Variants in APH1B observed in about 807,000 individuals in gnomAD.
The protein encoded by APH1B is aph-1B gamma-secretase subunit.
A neutral mutation model predicts 28.2 loss-of-function variants in APH1B; 27 were observed. The observed-to-expected ratio is 0.96, with a 90% CI of 0.70 to 1.32. The LOEUF is 1.32. APH1B is among the 40% of genes most tolerant of loss of function. The pLI is 0.00. For missense variants in APH1B, 305 were observed against 313.6 expected (o/e 0.97, Z 0.21); for synonymous variants, 141 against 124.6 (o/e 1.13, Z -0.88).
rs1290131237 is a variant in APH1B at position 63,305,940 on chromosome 15, G to A, written c.*159G>A. The A allele has an allele frequency of 5.2e-6, 5 of 957,048 alleles. No individual in the cohort carries two copies. The highest frequency in any genetic ancestry group is 2.8e-5 in the East Asian group (1 of 36,336). The allele number at this position is 957,048 out of a possible 1,614,324, so 59.3% of individuals were successfully genotyped here. Reference sequence around the variant, plus strand: ...CTTGGCTTTCACACAACTGCTCTCCGAAAGGGGTGCTCAGTGGTGTGCGTC... The same window carrying A: ...CTTGGCTTTCACACAACTGCTCTCCAAAAGGGGTGCTCAGTGGTGTGCGTC... On this transcript the variant is annotated 3_prime_UTR_variant, in exon 6 of 6. Transcript: ENST00000261879.
In APH1B at chr15:63,304,328, A is replaced by G. The variant is rs1430345639; in HGVS notation, c.607-1286A>G. On this transcript the variant is annotated intron_variant, in intron 5 of 5. Coordinates refer to ENST00000261879, the MANE Select transcript of APH1B (RefSeq NM_031301.4). This position sits in a 1 kb window ranked among gnomAD's most constrained non-coding sequence, Gnocchi z 5.1. The stretch of plus-strand genomic sequence containing the variant: ...ATGTTTTGATTTTCATCTAGGTGCT[A>G]GTTACACAGGTGTGTTCATGCTGGG... Among the ~76,000 whole-genome samples, 1 of 152,168 alleles carries G rather than the reference A, an allele frequency of 6.6e-6. No homozygotes were observed. Among genetic ancestry groups the G allele is most frequent in the African/African-American group, 2.4e-5 (1 of 41,432 alleles).
rs1441524561 is a variant in APH1B at position 63,287,549 on chromosome 15, A to G, written c.478+3A>G. The G allele has an allele frequency of 1.2e-6, 2 of 1,613,736 alleles. No homozygotes were observed. The highest frequency in any genetic ancestry group is 1.1e-5 in the South Asian group (1 of 91,044). The stretch of plus-strand genomic sequence containing the variant: ...TCCTCAATTCTTCCTTTATTCAGGT[A>G]TGTGTCTCATAGCTGTCAACATTCA... On this transcript the variant is annotated splice_donor_region_variant and intron_variant, in intron 4 of 5. Transcript: ENST00000261879.
chr15:63,284,702 T>C (rs1471323905), intron 2 of APH1B, among the ~76,000 whole-genome samples: 1 of 152,218 alleles, frequency 6.6e-6, no homozygotes, highest in Non-Finnish European at 1.5e-5. Flanking sequence ...AATGTTGCTA[T>C]GCAACAGATA....
intron 4 of APH1B, among the ~76,000 whole-genome samples, chr15:63,298,703 T>A (rs571451489): frequency 6.6e-6 from 1 of 152,192 alleles, no homozygotes; most frequent in African/African-American, 2.4e-5. Flanking sequence ...AAGCACTGTT[T>A]TTCCTTGTAA....
chr15:63,279,809 T>A (rs2038366352), intron 2 of APH1B, among the ~76,000 whole-genome samples: 1 of 151,896 alleles, frequency 6.6e-6, no homozygotes, highest in African/African-American at 2.4e-5. Context: ...TTTTTTTTTT[T>A]TTTTGAGACA....
At position 63,302,256 on chromosome 15, in the gene APH1B, T is replaced by A. The variant is rs142260418; in HGVS notation, c.479-89T>A. 12,237 of 1,485,098 alleles carry A rather than the reference T, an allele frequency of 8.2e-3. 77 individuals carry two copies. Among genetic ancestry groups the A allele is most frequent in the Admixed American group, 9.8e-3 (463 of 47,306 alleles). 92.0% of individuals were successfully genotyped at this position (1,485,098 alleles called of 1,614,324 possible). Reference sequence around the variant, plus strand: ...GTTAAACTCTCTTGCTGAGGTGTGGTGGACACCCCGAGAGCCCGTGCACAG... The same window carrying A: ...GTTAAACTCTCTTGCTGAGGTGTGGAGGACACCCCGAGAGCCCGTGCACAG... On this transcript the variant is annotated intron_variant, in intron 4 of 5. Coordinates refer to ENST00000261879, the MANE Select transcript of APH1B (RefSeq NM_031301.4).
intron 3 of APH1B, 181 bp from the exon 4 acceptor site, chr15:63,287,243 G>C: frequency 1.5e-6 from 1 of 666,480 alleles, no homozygotes; most frequent in Non-Finnish European, 2.4e-6. Flanking sequence ...TCCTCTTCCC[G>C]CTTCCCTCTC....
At position 63,306,357 on chromosome 15, in the gene APH1B, C is replaced by G. The variant is rs1037099822; in HGVS notation, c.*576C>G. 2 of 152,356 alleles carry G rather than the reference C, an allele frequency of 1.3e-5. No homozygotes were observed. Among genetic ancestry groups the G allele is most frequent in the Admixed American group, 6.5e-5 (1 of 15,274 alleles). 9.4% of individuals were successfully genotyped at this position (152,356 alleles called of 1,614,324 possible). A position where few individuals can be genotyped will look rare whatever the true frequency, so the allele number is the denominator to read the frequency against. ...GGCTTCTAAATGCAATAATAAATTA[C>G]GCTGACTGTGGTAACTTAGCCAAAG... On this transcript the variant is annotated 3_prime_UTR_variant, in exon 6 of 6. Transcript: ENST00000261879.
chr15:63,293,732 G>A lies in APH1B; in HGVS notation c.478+6186G>A, dbSNP rs548392289. 6.6e-5 allele frequency among the ~76,000 whole-genome samples: 10 copies of A among 152,150 alleles called. No individual in the cohort carries two copies. The South Asian group carries it at 8.3e-4, about 13-fold the overall frequency. ...AGGTTTTTCTCGAACTCCTGACCTCGTCATCTGCCCGCTTTGGCCTTCCAA... is the reference window on the plus strand; with the variant it reads ...AGGTTTTTCTCGAACTCCTGACCTCATCATCTGCCCGCTTTGGCCTTCCAA... On this transcript the variant is annotated intron_variant, in intron 4 of 5. Transcript: ENST00000261879.
intron 2 of APH1B, among the ~76,000 whole-genome samples, chr15:63,281,893 G>A (rs1199640925): frequency 3.9e-5 from 6 of 152,066 alleles, no homozygotes; most frequent in African/African-American, 1.4e-4. Flanking sequence ...CTGTAGGCTC[G>A]AATGCCAGGA....
At position 63,279,287 on chromosome 15, in the gene APH1B, C is replaced by G. The variant is rs777280253; in HGVS notation, c.240C>G (p.Val80=). The change falls in exon 2 of 6, where the codon GTC becomes GTG. Residue 80 remains valine, a synonymous_variant. Coordinates refer to ENST00000261879, the MANE Select transcript of APH1B (RefSeq NM_031301.4). Reference sequence around the variant, plus strand: ...TGATCTTTGGAGCGTTTGTCTCTGTCTATATCCAAGAAATGTTCCGATTTG... The same window carrying G: ...TGATCTTTGGAGCGTTTGTCTCTGTGTATATCCAAGAAATGTTCCGATTTG... ...YLLIFGAFVS[V]YIQEMFRFAY... 7 of 1,610,856 alleles carry G rather than the reference C, an allele frequency of 4.3e-6. No homozygotes were observed. The East Asian group carries it at 8.9e-5, about 21-fold the overall frequency.
intron 2 of APH1B, among the ~76,000 whole-genome samples, chr15:63,284,433 C>T (rs917133235): frequency 4.6e-5 from 7 of 152,152 alleles, no homozygotes; most frequent in African/African-American, 1.7e-4. Context: ...AACCTGGTCT[C>T]AAACTCCTGC....
rs981798779 is a variant in APH1B at position 63,303,747 on chromosome 15, C to T, written c.606+1275C>T. 8.5e-4 allele frequency among the ~76,000 whole-genome samples: 129 copies of T among 152,288 alleles called. 1 individual carries two copies. Among genetic ancestry groups the T allele is most frequent in the Non-Finnish European group, 2.1e-4 (14 of 68,016 alleles). On this transcript the variant is annotated intron_variant, in intron 5 of 5. Transcript: ENST00000261879. Reference sequence around the variant, plus strand: ...GGCTCAAGCGATCCTCCTCTCTCAGCCCCTCAAAGTGTTGGGATTACAGGC... The same window carrying T: ...GGCTCAAGCGATCCTCCTCTCTCAGTCCCTCAAAGTGTTGGGATTACAGGC...
Position 63,289,905 on chromosome 15 carries a change from G to A in APH1B, c.478+2359G>A, listed in dbSNP as rs559525770. ...CATGGTCCCAGCTACTCAGGAGGCC[G>A]AGGTGGGAGAATCATTGAGCCCGGG... On this transcript the variant is annotated intron_variant, in intron 4 of 5. Coordinates refer to ENST00000261879, the MANE Select transcript of APH1B (RefSeq NM_031301.4). Among the ~76,000 whole-genome samples, 92 of 152,148 alleles carry A rather than the reference G, an allele frequency of 6.0e-4. 1 individual carries two copies. The highest frequency in any genetic ancestry group is 2.1e-3 in the African/African-American group (86 of 41,512).
At chr15:63,301,329 G>A (rs1347791378) in intron 4 of APH1B, among the ~76,000 whole-genome samples, 1 of 152,234 alleles carries the variant, frequency 6.6e-6, no homozygotes, top group Admixed American at 6.5e-5. Context: ...TGCCAGTCTG[G>A]TGGGTGTTAA....
At chr15:63,289,152 A>G (rs1455152922) in intron 4 of APH1B, among the ~76,000 whole-genome samples, 1 of 152,244 alleles carries the variant, frequency 6.6e-6, no homozygotes, top group South Asian at 2.1e-4. Flanking sequence ...CTAAGTTAGC[A>G]TGGCAGACTG....
chr15:63,302,530 A>G lies in APH1B; in HGVS notation c.606+58A>G, dbSNP rs576388060. 2.3e-4 allele frequency: 359 copies of G among 1,566,528 alleles called. 1 individual carries two copies. The highest frequency in any genetic ancestry group is 4.1e-4 in the South Asian group (34 of 83,694). On this transcript the variant is annotated intron_variant, in intron 5 of 5. Coordinates refer to ENST00000261879, the MANE Select transcript of APH1B (RefSeq NM_031301.4). ...TGGAACTCAAGTCTATGTATCTAAA[A>G]TGGTAAATTCTACTCTAGATGAAAT...
At chr15:63,284,710 A>G (rs529767217) in intron 2 of APH1B, among the ~76,000 whole-genome samples, 3 of 152,356 alleles carry the variant, frequency 2.0e-5, no homozygotes, top group African/African-American at 4.8e-5. Context: ...TATGCAACAG[A>G]TAACTGTATT....
At chr15:63,299,568 C>G (rs929250935) in intron 4 of APH1B, among the ~76,000 whole-genome samples, 7 of 152,036 alleles carry the variant, frequency 4.6e-5, no homozygotes, top group Non-Finnish European at 1.0e-4. Flanking sequence ...CCACGCCCGG[C>G]TAATTTTTTG....
Sources: allele counts gnomAD v4.1 joint callset (sites outside exome capture counted in the v4.1 genomes callset), GRCh38; gene constraint gnomAD v4.1.1; non-coding constraint Gnocchi (gnomAD v3.1); transcripts MANE v1.5; gene names NCBI Gene and HGNC (gene_info 2026-07-23, HGNC 2026-07-21).